Variants in SETBP1 observed in about 807,000 individuals in gnomAD.
The protein encoded by SETBP1 is SET binding protein 1, also known as SET-binding protein.
SETBP1 carries 9 observed loss-of-function variants against 101.0 expected under a neutral mutation model. That is an observed-to-expected ratio of 0.09 (90% CI 0.05 to 0.16). The LOEUF is 0.16. SETBP1 is among the 10% of genes least tolerant of loss of function. The probability of loss-of-function intolerance (pLI) is 1.00; values close to 1 mark genes in which losing one functional copy is unlikely to be tolerated. For missense variants in SETBP1, 1,858 were observed against 2,033.8 expected (o/e 0.91, Z 1.66); for synonymous variants, 818 against 788.5 (o/e 1.04, Z -0.63).
intron 2 of SETBP1, among the ~76,000 whole-genome samples, chr18:44,789,014 G>A (rs2071311596): frequency 6.6e-6 from 1 of 151,794 alleles, no homozygotes; most frequent in African/African-American, 2.4e-5. Flanking sequence ...TGTTGTCCAG[G>A]GTGGTCTTGA....
chr18:44,782,682 G>A (rs1901373231), intron 2 of SETBP1, among the ~76,000 whole-genome samples: 2 of 152,122 alleles, frequency 1.3e-5, no homozygotes, highest in South Asian at 4.2e-4. Flanking sequence ...CAACCCACAG[G>A]GATTGATAGA....
At chr18:44,919,744 AT>A (rs1322612400) in intron 3 of SETBP1, among the ~76,000 whole-genome samples, 1 of 151,144 alleles carries the variant, frequency 6.6e-6, no homozygotes, top group African/African-American at 2.4e-5. Context: ...TATTATATAT[AT>A]GTATACATAT....
intron 5 of SETBP1, among the ~76,000 whole-genome samples, chr18:45,040,178 T>C (rs992220629): frequency 2.0e-5 from 3 of 152,162 alleles, no homozygotes; most frequent in Non-Finnish European, 4.4e-5. Flanking sequence ...CTCTCAAATA[T>C]GATCATGAGC....
chr18:44,735,738 G>C (rs2069949677), intron 2 of SETBP1, among the ~76,000 whole-genome samples: 1 of 152,156 alleles, frequency 6.6e-6, no homozygotes. Flanking sequence ...TCCCCTTCCT[G>C]TCTCACCTAC....
intron 2 of SETBP1, among the ~76,000 whole-genome samples, chr18:44,799,975 T>G (rs1384315678): frequency 6.6e-6 from 1 of 152,196 alleles, no homozygotes; most frequent in Non-Finnish European, 1.5e-5. Flanking sequence ...TTTGTTCCTT[T>G]CATCTCCTTT....
intron 2 of SETBP1, among the ~76,000 whole-genome samples, chr18:44,790,254 C>G (rs2071342201): frequency 6.6e-6 from 1 of 152,104 alleles, no homozygotes; most frequent in South Asian, 2.1e-4. Context: ...AAAATCTCAA[C>G]CAAATCAAAC....
At chr18:44,729,565 G>A (rs1466767221) in intron 2 of SETBP1, among the ~76,000 whole-genome samples, 1 of 152,194 alleles carries the variant, frequency 6.6e-6, no homozygotes, top group Admixed American at 6.5e-5. Context: ...AGAGGATGCT[G>A]CAGCAAGTCA....
At chr18:44,682,667 G>A (rs146087684) in intron 1 of SETBP1, among the ~76,000 whole-genome samples, 1 of 152,284 alleles carries the variant, frequency 6.6e-6, no homozygotes, top group African/African-American at 2.4e-5. Context: ...GGGGAAAGTC[G>A]GAAGAGGAGG....
chr18:44,787,388 G>C (rs997649680), intron 2 of SETBP1, among the ~76,000 whole-genome samples: 2 of 152,160 alleles, frequency 1.3e-5, no homozygotes, highest in Non-Finnish European at 2.9e-5. Flanking sequence ...ACTGAGGCAG[G>C]CTCCAGGAAC....
chr18:45,066,939 G>T lies in SETBP1; in HGVS notation c.*3241G>T, dbSNP rs2042026264. The T allele has an allele frequency of 6.6e-6, 1 of 152,072 alleles. No individual in the cohort carries two copies. The highest frequency in any genetic ancestry group is 1.5e-5 in the Non-Finnish European group (1 of 68,002). The allele number at this position is 152,072 out of a possible 1,614,324, so 9.4% of individuals were successfully genotyped here. A position where few individuals can be genotyped will look rare whatever the true frequency, so the allele number is the denominator to read the frequency against. Reference sequence around the variant, plus strand: ...GACTAAGTGTCTGGAAGAGCTACTTGCTCTTCCACCCCTCATCTCAAATGA... The same window carrying T: ...GACTAAGTGTCTGGAAGAGCTACTTTCTCTTCCACCCCTCATCTCAAATGA... On this transcript the variant is annotated 3_prime_UTR_variant, in exon 6 of 6. Coordinates refer to ENST00000649279, the MANE Select transcript of SETBP1 (RefSeq NM_015559.3).
At chr18:44,803,118 T>A (rs1387345883) in intron 2 of SETBP1, among the ~76,000 whole-genome samples, 1 of 152,124 alleles carries the variant, frequency 6.6e-6, no homozygotes, top group African/African-American at 2.4e-5. Flanking sequence ...CAATATTTGC[T>A]TGCAGGGATT....
At chr18:44,915,447 A>T (rs549742013) in intron 3 of SETBP1, among the ~76,000 whole-genome samples, 1 of 152,352 alleles carries the variant, frequency 6.6e-6, no homozygotes, top group South Asian at 2.1e-4. Context: ...CCTATGCTAA[A>T]CACCACGGGA....
intron 3 of SETBP1, among the ~76,000 whole-genome samples, chr18:44,892,992 G>T (rs1024102864): frequency 4.6e-5 from 7 of 152,026 alleles, no homozygotes; most frequent in African/African-American, 9.7e-5. Context: ...ACCAATATAG[G>T]GTGATTGTTA....
chr18:44,910,359 A>G (rs12455491), intron 3 of SETBP1, among the ~76,000 whole-genome samples: 3,607 of 152,180 alleles, frequency 0.024, 65 homozygotes, highest in Middle Eastern at 0.058. Context: ...GTTTTTTAGC[A>G]TTTTTCCTTA....
intron 5 of SETBP1, among the ~76,000 whole-genome samples, chr18:45,049,026 C>T (rs963986634): frequency 2.0e-5 from 3 of 150,922 alleles, no homozygotes; most frequent in African/African-American, 7.3e-5. Context: ...AGCCCCTGCC[C>T]CAGAGGAGCT....
At chr18:44,845,527 G>A (rs977141302) in intron 2 of SETBP1, among the ~76,000 whole-genome samples, 1 of 152,184 alleles carries the variant, frequency 6.6e-6, no homozygotes, top group Non-Finnish European at 1.5e-5. Context: ...TTCCTTGTTG[G>A]TTTGCACAGT....
chr18:44,884,715 C>T lies in SETBP1; in HGVS notation c.540+15432C>T, dbSNP rs964043330. Among the ~76,000 whole-genome samples the T allele has an allele frequency of 2.6e-5, 4 of 152,092 alleles. No homozygotes were observed. In the South Asian group the frequency reaches 6.2e-4, roughly 24 times the overall value. Reference sequence around the variant, plus strand: ...CATGGCAAATGTGTCAGTGAAAATACTCTTGTTTGAATAAAACTTCTTCTA... The same window carrying T: ...CATGGCAAATGTGTCAGTGAAAATATTCTTGTTTGAATAAAACTTCTTCTA... On this transcript the variant is annotated intron_variant, in intron 3 of 5. Transcript: ENST00000649279.
intron 3 of SETBP1, chr18:44,869,928 C>T (rs1367423192): frequency 5.9e-6 from 1 of 170,314 alleles, no homozygotes; most frequent in Non-Finnish European, 1.3e-5. Context: ...CACATACACA[C>T]AAATCTCAGC....
chr18:44,894,166 C>G (rs930075656), intron 3 of SETBP1, among the ~76,000 whole-genome samples: 11 of 152,148 alleles, frequency 7.2e-5, no homozygotes, highest in Non-Finnish European at 1.5e-4. Flanking sequence ...AACTCATCAC[C>G]TCAAGCAGGT....
Sources: gnomAD v4.1 joint callset for allele counts (sites outside exome capture counted in the v4.1 genomes callset) on GRCh38, gnomAD v4.1.1 for gene constraint, MANE v1.5 for transcripts, NCBI Gene and HGNC (gene_info 2026-07-23, HGNC 2026-07-21) for gene names.